The following HLCS variants were observed in gnomAD, a reference collection of about 807,000 sequenced individuals.
HLCS encodes holocarboxylase synthetase.
In HLCS, 53 loss-of-function variants were observed where a neutral mutation model predicts 75.0. That is an observed-to-expected ratio of 0.71 (90% CI 0.57 to 0.89). HLCS has a LOEUF of 0.89. Among genes scored for constraint, HLCS ranks in the 40% least tolerant of loss-of-function variants. HLCS has a pLI of 0.00. For synonymous variants in HLCS, 431 were observed against 428.6 expected (o/e 1.01, Z -0.07); for missense variants, 966 against 1,074.0 (o/e 0.90, Z 1.41).
intron 8 of HLCS, among the ~76,000 whole-genome samples, chr21:36,761,674 C>T (rs1453499255): frequency 6.6e-6 from 1 of 152,156 alleles, no homozygotes; most frequent in Non-Finnish European, 1.5e-5. Context: ...ACAAACATGC[C>T]AGGGCCCACA....
At chr21:36,777,069 G>A (rs1345332619) in intron 6 of HLCS, among the ~76,000 whole-genome samples, 2 of 152,138 alleles carry the variant, frequency 1.3e-5, no homozygotes, top group Non-Finnish European at 2.9e-5. Flanking sequence ...TACGATTTCT[G>A]AAGCAGTCTT....
intron 6 of HLCS, among the ~76,000 whole-genome samples, chr21:36,839,856 A>C (rs1035517174): frequency 9.2e-5 from 14 of 152,248 alleles, no homozygotes; most frequent in African/African-American, 3.4e-4. Flanking sequence ...GCTGCCTGTG[A>C]ACTTAAATGA....
intron 2 of HLCS, chr21:36,944,182 AAT>A (rs1301317007): frequency 6.6e-6 from 1 of 152,220 alleles, no homozygotes; most frequent in Non-Finnish European, 1.5e-5. Flanking sequence ...CATACAAAAG[AAT>A]ACTTTTCAGC....
At chr21:36,814,669 T>C (rs2061607976) in intron 6 of HLCS, among the ~76,000 whole-genome samples, 1 of 152,188 alleles carries the variant, frequency 6.6e-6, no homozygotes, top group Admixed American at 6.5e-5. Context: ...AAGCCTTCCT[T>C]ATTTTGGTAG....
intron 1 of HLCS, among the ~76,000 whole-genome samples, chr21:36,964,004 C>T (rs891070150): frequency 6.6e-6 from 1 of 152,230 alleles, no homozygotes; most frequent in Non-Finnish European, 1.5e-5. Context: ...GGCGGATCAC[C>T]TGAGGTCAGG....
chr21:36,825,322 C>T lies in HLCS; in HGVS notation c.1893-58037G>A, dbSNP rs138575732. ...AGGATCACTTGAGCCTAGAAGGTCA[C>T]AGCTGCAGTAAGTCAAGATCACACC... is the stretch of plus-strand genomic sequence containing the variant. On this transcript the variant is annotated intron_variant, in intron 6 of 10. Coordinates refer to ENST00000674895, the MANE Select transcript of HLCS (RefSeq NM_001352514.2). Among the ~76,000 whole-genome samples the T allele has an allele frequency of 2.7e-3, 404 of 152,168 alleles. 1 individual carries two copies. Among genetic ancestry groups the T allele is most frequent in the African/African-American group, 9.4e-3 (391 of 41,502 alleles).
At chr21:36,883,080 A>T (rs1368246033) in intron 6 of HLCS, among the ~76,000 whole-genome samples, 1 of 152,200 alleles carries the variant, frequency 6.6e-6, no homozygotes, top group African/African-American at 2.4e-5. Flanking sequence ...TTGGGATCTC[A>T]CAGTGACGGA....
At chr21:36,789,868 T>C (rs2060805332) in intron 6 of HLCS, among the ~76,000 whole-genome samples, 1 of 152,256 alleles carries the variant, frequency 6.6e-6, no homozygotes, top group South Asian at 2.1e-4. Flanking sequence ...AGTGAGTGTG[T>C]ACAGAGTACT....
At chr21:36,832,030 G>C (rs541268478) in intron 6 of HLCS, among the ~76,000 whole-genome samples, 1 of 152,136 alleles carries the variant, frequency 6.6e-6, no homozygotes, top group East Asian at 1.9e-4. Context: ...ACGGTGGAAG[G>C]GGAAAAAAAA....
intron 6 of HLCS, among the ~76,000 whole-genome samples, chr21:36,784,056 G>A (rs776010562): frequency 3.1e-4 from 47 of 152,086 alleles, no homozygotes; most frequent in Non-Finnish European, 6.3e-4. Flanking sequence ...TCCTTTGACT[G>A]AGCACCCATC....
intron 2 of HLCS, among the ~76,000 whole-genome samples, chr21:36,948,927 G>A (rs920067950): frequency 7.9e-5 from 12 of 152,014 alleles, no homozygotes; most frequent in African/African-American, 1.9e-4. Context: ...GGCAGGTCTC[G>A]CTGAATAACT....
At chr21:36,923,471 C>T (rs1166143451) in intron 5 of HLCS, among the ~76,000 whole-genome samples, 1 of 152,176 alleles carries the variant, frequency 6.6e-6, no homozygotes, top group Admixed American at 6.5e-5. Context: ...AATGTTCCCT[C>T]GGCCTCAGAG....
chr21:36,958,705 C>T (rs2068108074), intron 2 of HLCS, among the ~76,000 whole-genome samples: 1 of 151,800 alleles, frequency 6.6e-6, no homozygotes, highest in Admixed American at 6.6e-5. Context: ...AGGAGAATTG[C>T]TTGAACCCGG....
intron 5 of HLCS, among the ~76,000 whole-genome samples, chr21:36,918,460 C>G (rs1365878444): frequency 6.6e-6 from 1 of 152,214 alleles, no homozygotes; most frequent in African/African-American, 2.4e-5. Context: ...CTGTCCTCAG[C>G]TGTCAGAGAA....
chr21:36,878,986 C>A (rs1454198805), intron 6 of HLCS, among the ~76,000 whole-genome samples: 4 of 268 alleles, frequency 0.015, no homozygotes, highest in African/African-American at 0.03. Flanking sequence ...TAAAGGGGAA[C>A]CATGATGATA....
intron 6 of HLCS, among the ~76,000 whole-genome samples, chr21:36,843,825 G>C (rs1293509240): frequency 2.0e-5 from 3 of 152,068 alleles, no homozygotes; most frequent in Admixed American, 2.0e-4. Context: ...GGGCAACAAA[G>C]AGAGACCCCG....
At chr21:36,949,003 G>A (rs2067546563) in intron 2 of HLCS, among the ~76,000 whole-genome samples, 1 of 152,084 alleles carries the variant, frequency 6.6e-6, no homozygotes, top group Admixed American at 6.6e-5. Context: ...TGTTATTATT[G>A]TGTTCTGTAG....
chr21:36,833,593 T>TTATATATATATATATATATATA (rs56412653), intron 6 of HLCS, among the ~76,000 whole-genome samples: 34 of 140,004 alleles, frequency 2.4e-4, no homozygotes, highest in African/African-American at 8.6e-4. Context: ...TAAAAAAAAA[T>TTATATATATATATATATATATA]TATATATATA....
intron 1 of HLCS, among the ~76,000 whole-genome samples, chr21:36,977,592 C>T (rs2068974616): frequency 6.6e-6 from 1 of 152,164 alleles, no homozygotes; most frequent in South Asian, 2.1e-4. Context: ...AGGCATTAGC[C>T]AGTCATCCTG....
Sources: allele counts gnomAD v4.1 joint callset (sites outside exome capture counted in the v4.1 genomes callset), GRCh38; gene constraint gnomAD v4.1.1; transcripts MANE v1.5; gene names NCBI Gene and HGNC (gene_info 2026-07-23, HGNC 2026-07-21).